Variants in STK3 observed in about 807,000 individuals in gnomAD.
STK3 encodes serine/threonine-protein kinase 3.
Under a neutral mutation model 58.0 loss-of-function variants are expected in STK3, and 41 were observed. The observed-to-expected ratio is 0.71, with a 90% CI of 0.55 to 0.92. STK3 has a LOEUF of 0.92. Among genes scored for constraint, STK3 ranks in the 40% least tolerant of loss-of-function variants. The pLI, the probability that STK3 is intolerant of heterozygous loss-of-function variation, is 0.00. For missense variants in STK3, 479 were observed against 602.7 expected, an observed-to-expected ratio of 0.79 and a Z score of 2.15; for synonymous variants, 170 against 191.0, an observed-to-expected ratio of 0.89 and a Z score of 0.91.
At chr8:98,549,402 T>C (rs1810985470) in intron 8 of STK3, among the ~76,000 whole-genome samples, 1 of 152,204 alleles carries the variant, frequency 6.6e-6, no homozygotes, top group African/African-American at 2.4e-5. Context: ...CATTTGTATA[T>C]CTTCTTTGGA....
At chr8:98,405,943 C>T (rs1586550049) in intron 3 of STK3, among the ~76,000 whole-genome samples, 1 of 152,168 alleles carries the variant, frequency 6.6e-6, no homozygotes, top group East Asian at 1.9e-4. Context: ...TCCCACAACA[C>T]ATGGGAATTC....
Position 98,412,164 on chromosome 8 carries a change from C to T in STK3, n.484-10651G>A, listed in dbSNP as rs1036353911. Among the ~76,000 whole-genome samples the T allele has an allele frequency of 6.6e-5, 10 of 152,300 alleles. No homozygotes were observed. In the East Asian group the frequency reaches 1.9e-3, roughly 29 times the overall value. ...CCTGCGATAGTAGCTCCTCCTACCA[C>T]AACACAGGAAAATATTTGTGCCAGT... On this transcript the variant is annotated intron_variant and non_coding_transcript_variant, in intron 3 of 3. Coordinates refer to the STK3 transcript ENST00000517832.
At chr8:98,722,676 C>T (rs1827518301) in intron 4 of STK3, 1 of 156,884 alleles carries the variant, frequency 6.4e-6, no homozygotes, top group African/African-American at 2.4e-5. Flanking sequence ...CCAAAAGTAG[C>T]TAGATTTTTA....
At chr8:98,374,132 G>A (rs971240924) in intron 2 of STK3, among the ~76,000 whole-genome samples, 1 of 152,214 alleles carries the variant, frequency 6.6e-6, no homozygotes, top group Non-Finnish European at 1.5e-5. Flanking sequence ...TATTTCAGAA[G>A]CGTGATGAAG....
Position 98,838,074 on chromosome 8 carries a change from CAA to C in STK3, c.110+45571_110+45572del, listed in dbSNP as rs58973724. 1.7e-3 allele frequency among the ~76,000 whole-genome samples: 97 copies of C among 58,760 alleles called. 1 individual carries two copies. The highest frequency in any genetic ancestry group is 4.7e-3 in the African/African-American group (77 of 16,270). 38.5% of individuals were successfully genotyped at this position (58,760 alleles called of 152,430 possible). A position where few individuals can be genotyped will look rare whatever the true frequency, so the allele number is the denominator to read the frequency against. ...TGAAACCGTGTCTCTACTAAAAATA[CAA>C]AAAAAAAAAAAAAAAAAAAAGTCAG... On this transcript the variant is annotated intron_variant, in intron 3 of 12. Transcript: ENST00000523601.
At chr8:98,774,904 T>C (rs1406667354) in intron 1 of STK3, 85 bp from the exon 2 acceptor site, 3 of 884,708 alleles carry the variant, frequency 3.4e-6, no homozygotes, top group African/African-American at 3.4e-5. Context: ...TTACCAAGTT[T>C]TTAATTTTAT....
intron 10 of STK3, among the ~76,000 whole-genome samples, chr8:98,465,462 T>C (rs1301150672): frequency 6.6e-6 from 1 of 152,214 alleles, no homozygotes; most frequent in African/African-American, 2.4e-5. Context: ...TTGTACCTGG[T>C]GAAGCATTTT....
At chr8:98,348,123 T>C in the STK3 span, among the ~76,000 whole-genome samples, 1 of 152,176 alleles carries the variant, frequency 6.6e-6, no homozygotes, top group Non-Finnish European at 1.5e-5. Flanking sequence ...AGTTAACTAA[T>C]CTTTGACAAA....
At chr8:98,803,345 A>C (rs1240489715) in intron 1 of STK3, among the ~76,000 whole-genome samples, 2 of 152,116 alleles carry the variant, frequency 1.3e-5, no homozygotes, top group African/African-American at 2.4e-5. Flanking sequence ...TAATCCCAGC[A>C]CTTTGGGAGG....
At chr8:98,571,746 T>C (rs1812987057) in intron 8 of STK3, among the ~76,000 whole-genome samples, 1 of 152,234 alleles carries the variant, frequency 6.6e-6, no homozygotes, top group South Asian at 2.1e-4. Context: ...AAGGACCTGA[T>C]ACATGCATAA....
At chr8:98,344,997 G>C in the STK3 span, among the ~76,000 whole-genome samples, 1 of 151,048 alleles carries the variant, frequency 6.6e-6, no homozygotes, top group Non-Finnish European at 1.5e-5. Context: ...GCAGGTGAAA[G>C]CTTGAATTCT....
intron 9 of STK3, 148 bp from the exon 10 acceptor site, chr8:98,527,065 G>C: frequency 1.8e-6 from 1 of 542,188 alleles, no homozygotes; most frequent in South Asian, 8.2e-5. Flanking sequence ...AAAGAACAAA[G>C]TGAAATAAAA....
chr8:98,629,893 G>C (rs1206424662), intron 6 of STK3, among the ~76,000 whole-genome samples: 1 of 152,052 alleles, frequency 6.6e-6, no homozygotes, highest in Non-Finnish European at 1.5e-5. Context: ...AGCTCTCACA[G>C]AACTCTTATA....
chr8:98,394,932 C>T (rs887278185), intron 3 of STK3, among the ~76,000 whole-genome samples: 1 of 152,186 alleles, frequency 6.6e-6, no homozygotes, highest in African/African-American at 2.4e-5. Flanking sequence ...CCTGTCATTT[C>T]TGAGCTGAAG....
intron 1 of STK3, among the ~76,000 whole-genome samples, chr8:98,446,118 A>G (rs1818937792): frequency 1.3e-5 from 2 of 152,192 alleles, no homozygotes; most frequent in East Asian, 3.8e-4. Context: ...GTCTTTATAT[A>G]TGCTTTGCCC....
Position 98,696,509 on chromosome 8 carries a change from T to C in STK3, c.684+9958A>G, listed in dbSNP as rs547570791. The stretch of plus-strand genomic sequence containing the variant: ...GCTGTGGGTTTGTCATAGATAGCTC[T>C]TATTATTTTGAGATACGTCCCATCA... On this transcript the variant is annotated intron_variant, in intron 6 of 10. Transcript: ENST00000419617. Among the ~76,000 whole-genome samples, 228 of 152,158 alleles carry C rather than the reference T, an allele frequency of 1.5e-3. 1 individual carries two copies. Among genetic ancestry groups the C allele is most frequent in the African/African-American group, 5.3e-3 (219 of 41,504 alleles).
At chr8:98,706,714 T>C (rs1379207428) in intron 5 of STK3, 80 bp from the exon 6 acceptor site, 1 of 1,378,286 alleles carries the variant, frequency 7.3e-7, no homozygotes, top group African/African-American at 1.5e-5. Context: ...TTTTAAAAAA[T>C]GTTAAAACCT....
intron 6 of STK3, among the ~76,000 whole-genome samples, chr8:98,610,821 C>G (rs73275881): frequency 0.018 from 2,681 of 152,272 alleles, 74 homozygotes; most frequent in African/African-American, 0.062. Context: ...AATTGACATA[C>G]TATCCTCAAA....
intron 3 of STK3, among the ~76,000 whole-genome samples, chr8:98,845,942 G>A (rs1836184249): frequency 6.6e-6 from 1 of 152,168 alleles, no homozygotes; most frequent in African/African-American, 2.4e-5. Context: ...TTTAAGCCAT[G>A]GTCAAGAAAG....
Sources: gnomAD v4.1 joint callset for allele counts (sites outside exome capture counted in the v4.1 genomes callset) on GRCh38, gnomAD v4.1.1 for gene constraint, MANE v1.5 for transcripts, NCBI Gene and HGNC (gene_info 2026-07-23, HGNC 2026-07-21) for gene names.